The following PPP1R2 variants were observed in gnomAD, a reference collection of about 807,000 sequenced individuals.
PPP1R2 encodes protein phosphatase 1 regulatory inhibitor subunit 2, also known as protein phosphatase inhibitor 2.
Under a neutral mutation model 29.9 loss-of-function variants are expected in PPP1R2, and 16 were observed. The observed-to-expected ratio is 0.53, with a 90% CI of 0.36 to 0.81. PPP1R2 has a LOEUF of 0.81. PPP1R2 is among the 30% of genes least tolerant of loss of function. PPP1R2 has a pLI of 0.00. For missense variants in PPP1R2, 197 were observed against 252.7 expected, an observed-to-expected ratio of 0.78 and a Z score of 1.49; for synonymous variants, 76 against 91.5, an observed-to-expected ratio of 0.83 and a Z score of 0.96.
At chr3:195,541,421 G>A (rs957252543) in intron 1 of PPP1R2, among the ~76,000 whole-genome samples, 3 of 142,426 alleles carry the variant, frequency 2.1e-5, no homozygotes, top group Non-Finnish European at 3.1e-5. Flanking sequence ...CTGTAGTTAC[G>A]TTACTTATCT....
intron 1 of PPP1R2, among the ~76,000 whole-genome samples, chr3:195,533,218 G>A (rs752413547): frequency 3.9e-5 from 6 of 151,998 alleles, no homozygotes; most frequent in Non-Finnish European, 8.8e-5. Flanking sequence ...GGTGGCTTGC[G>A]CTTGTAGTCC....
At chr3:195,518,629 T>A (rs188662244) in intron 5 of PPP1R2, among the ~76,000 whole-genome samples, 1 of 149,580 alleles carries the variant, frequency 6.7e-6, no homozygotes, top group African/African-American at 2.5e-5. Flanking sequence ...CCAGCCTGGG[T>A]GACAGAGCGA....
intron 2 of PPP1R2, among the ~76,000 whole-genome samples, chr3:195,525,836 G>GT (rs1718950708): frequency 6.6e-6 from 1 of 152,136 alleles, no homozygotes; most frequent in Non-Finnish European, 1.5e-5. Context: ...AAGGTGACAA[G>GT]TAAGTCTATA....
At chr3:195,517,212 G>A (rs891884537) in intron 5 of PPP1R2, among the ~76,000 whole-genome samples, 10 of 151,994 alleles carry the variant, frequency 6.6e-5, no homozygotes, top group African/African-American at 9.7e-5. Flanking sequence ...AAGAGTTTAC[G>A]ACAACTCCAA....
Position 195,521,444 on chromosome 3 carries a change from C to T in PPP1R2, c.403+2248G>A, listed in dbSNP as rs1009978564. Among the ~76,000 whole-genome samples the T allele has an allele frequency of 4.0e-5, 6 of 150,996 alleles. No homozygotes were observed. The South Asian group carries it at 1.2e-3, about 31-fold the overall frequency. ...TTAAAATCGTTACAAGTTGTTGAGT[C>T]ATAATTTAATTCCCTATTTTTGGTT... On this transcript the variant is annotated intron_variant, in intron 4 of 5. Transcript: ENST00000618156.
chr3:195,522,830 G>A (rs1718813381), intron 4 of PPP1R2, among the ~76,000 whole-genome samples: 1 of 152,092 alleles, frequency 6.6e-6, no homozygotes, highest in African/African-American at 2.4e-5. Context: ...GCTTCTTCAC[G>A]GTACAGGAGG....
At chr3:195,542,763 C>T in intron 1 of PPP1R2, 141 bp downstream of exon 1, 1 of 1,017,322 alleles carries the variant, frequency 9.8e-7, no homozygotes, top group Non-Finnish European at 1.4e-6. Flanking sequence ...AGATCGCTCC[C>T]ACCCGCGGCT....
intron 2 of PPP1R2, chr3:195,528,709 T>TTTTTA (rs1481779654): frequency 7.9e-6 from 1 of 126,184 alleles, no homozygotes; most frequent in African/African-American, 3.0e-5. Context: ...ACTATTTTTT[T>TTTTTA]TTTTTTTTTT....
intron 4 of PPP1R2, among the ~76,000 whole-genome samples, chr3:195,520,710 G>T (rs917218809): frequency 6.6e-6 from 1 of 152,062 alleles, no homozygotes; most frequent in Admixed American, 6.5e-5. Context: ...TTTTAGAGAT[G>T]AGATCTCACT....
intron 4 of PPP1R2, among the ~76,000 whole-genome samples, chr3:195,520,421 C>A (rs1475776886): frequency 6.6e-6 from 1 of 152,010 alleles, no homozygotes. Context: ...CCAGCCTGGG[C>A]AACATGGCAA....
At chr3:195,517,075 C>T in intron 5 of PPP1R2, 133 bp from the exon 6 acceptor site, 1 of 667,082 alleles carries the variant, frequency 1.5e-6, no homozygotes, top group Admixed American at 2.6e-5. Flanking sequence ...TTCATGTAGG[C>T]TGATTTAGAC....
At chr3:195,537,883 A>T (rs1719455489) in intron 1 of PPP1R2, among the ~76,000 whole-genome samples, 1 of 152,374 alleles carries the variant, frequency 6.6e-6, no homozygotes, top group Admixed American at 6.5e-5. Context: ...GACTCCAAAA[A>T]TGCTAGGAAA....
Position 195,523,758 on chromosome 3 carries a change from T to C in PPP1R2, c.337A>G (p.Lys113Glu). 1.2e-6 allele frequency: 2 copies of C among 1,614,204 alleles called. No homozygotes were observed. The highest frequency in any genetic ancestry group is 4.5e-5 in the East Asian group (2 of 44,886). ...KLAAAEGLEP[K>E]YRIQEQESSG... is the part of the protein sequence containing the mutation. ...CTTTCTTGTTCCTGAATCCGATACTTTGGCTCCAAGCCTTCAGCTGCAGCT... is the reference window on the plus strand; with the variant it reads ...CTTTCTTGTTCCTGAATCCGATACTCTGGCTCCAAGCCTTCAGCTGCAGCT... The change falls in exon 4 of 6, where the codon AAG becomes GAG. Residue 113 changes from lysine (K) to glutamate (E), a missense_variant. Transcript: ENST00000618156.
intron 2 of PPP1R2, among the ~76,000 whole-genome samples, chr3:195,528,565 T>C (rs757052270): frequency 9.2e-5 from 14 of 152,252 alleles, no homozygotes; most frequent in Non-Finnish European, 1.9e-4. Context: ...CTTCTTTCAC[T>C]ACAGAACAAA....
At chr3:195,533,656 G>A in intron 1 of PPP1R2, among the ~76,000 whole-genome samples, 1 of 152,140 alleles carries the variant, frequency 6.6e-6, no homozygotes, top group East Asian at 1.9e-4. Context: ...CCACCATAAA[G>A]ACCATTGTAA....
chr3:195,526,686 C>T (rs1164503595), intron 2 of PPP1R2, among the ~76,000 whole-genome samples: 1 of 152,128 alleles, frequency 6.6e-6, no homozygotes, highest in South Asian at 2.1e-4. Flanking sequence ...GTGATCATGG[C>T]TAATTGCAGC....
In PPP1R2 at chr3:195,515,169, G is replaced by C. The variant is rs114718904; in HGVS notation, c.*1727C>G. The C allele has an allele frequency of 0.025, 4,269 of 168,226 alleles. 213 individuals carry two copies. Among genetic ancestry groups the C allele is most frequent in the African/African-American group, 0.097 (4,042 of 41,588 alleles). 10.4% of individuals were successfully genotyped at this position (168,226 alleles called of 1,614,324 possible). On this transcript the variant is annotated 3_prime_UTR_variant, in exon 6 of 6. Transcript: ENST00000618156. ...AGGTAATCCCAACATTTTAAATTCA[G>C]AAACCAGAGACAAACAGTTTTGTTT...
chr3:195,518,467 T>C (rs568128390), intron 5 of PPP1R2, among the ~76,000 whole-genome samples: 36 of 151,946 alleles, frequency 2.4e-4, no homozygotes, highest in Admixed American at 9.2e-4. Context: ...CTGGCTAACA[T>C]GGTGAAACCC....
intron 5 of PPP1R2, 151 bp downstream of exon 5, chr3:195,518,867 C>A: frequency 8.7e-7 from 1 of 1,154,844 alleles, no homozygotes; most frequent in Non-Finnish European, 1.2e-6. Flanking sequence ...TGAAATTGGC[C>A]ATGCGGGTTA....
Sources: allele counts gnomAD v4.1 joint callset (sites outside exome capture counted in the v4.1 genomes callset), GRCh38; gene constraint gnomAD v4.1.1; transcripts MANE v1.5; gene names NCBI Gene and HGNC (gene_info 2026-07-23, HGNC 2026-07-21).